The following MACROH2A1 variants were observed in gnomAD, a reference collection of about 807,000 sequenced individuals.
MACROH2A1 encodes core histone macro-H2A.1.
In MACROH2A1, 2 loss-of-function variants were observed where a neutral mutation model predicts 31.6. That is an observed-to-expected ratio of 0.06 (90% CI 0.03 to 0.20). MACROH2A1 has a LOEUF of 0.20. Ranked by LOEUF, MACROH2A1 falls within the 10% of genes least tolerant of loss-of-function variation. MACROH2A1 has a pLI of 1.00. For missense variants in MACROH2A1, 230 were observed against 474.0 expected, an observed-to-expected ratio of 0.49 and a Z score of 4.78; for synonymous variants, 169 against 189.6, an observed-to-expected ratio of 0.89 and a Z score of 0.89.
At chr5:135,344,383 T>C (rs1760468610) in intron 7 of MACROH2A1, 1 of 152,240 alleles carries the variant, frequency 6.6e-6, no homozygotes, top group Admixed American at 6.5e-5. Flanking sequence ...CTTTTTTTTT[T>C]TTTAAGGAAT....
intron 2 of MACROH2A1, among the ~76,000 whole-genome samples, chr5:135,383,775 A>C (rs1374079328): frequency 6.9e-6 from 1 of 144,194 alleles, no homozygotes; most frequent in Non-Finnish European, 1.5e-5. Flanking sequence ...GGGTGAGGGA[A>C]GGGCTTTGCA....
At chr5:135,337,811 G>C in intron 8 of MACROH2A1, 1 of 312,032 alleles carries the variant, frequency 3.2e-6, no homozygotes, top group Non-Finnish European at 4.8e-6. Context: ...ATAGAGAGCA[G>C]ACGGTTCCAC....
At chr5:135,361,103 G>A (rs1762789961) in intron 4 of MACROH2A1, 1 of 267,258 alleles carries the variant, frequency 3.7e-6, no homozygotes, top group Admixed American at 5.1e-5. Context: ...CAGTGTTAGA[G>A]AAGGACGCAT....
intron 1 of MACROH2A1, among the ~76,000 whole-genome samples, chr5:135,397,425 T>C (rs146742234): frequency 6.6e-6 from 1 of 152,346 alleles, no homozygotes; most frequent in East Asian, 1.9e-4. Flanking sequence ...AAATGTGAGT[T>C]AAATTATGCC....
At chr5:135,346,777 G>C (rs953268185) in intron 6 of MACROH2A1, 2 of 152,242 alleles carry the variant, frequency 1.3e-5, no homozygotes, top group Admixed American at 1.3e-4. Context: ...TAACTGCTCA[G>C]GACCAGATTT....
rs1428747644 is a variant in MACROH2A1, at chr5:135,398,043, T to C, written c.-34+1019A>G. ...TCATTAAAATCTTACAAGGCCTTTA[T>C]AGTCATTGTAATTGTTGAATTCAAG... On this transcript the variant is annotated intron_variant, in intron 1 of 8. Transcript: ENST00000511689. The surrounding 1 kb of genome is among the most constrained non-coding windows in gnomAD (Gnocchi z 4.6). 6.6e-6 allele frequency among the ~76,000 whole-genome samples: 1 copy of C among 152,212 alleles called. No individual in the cohort carries two copies. Among genetic ancestry groups the C allele is most frequent in the South Asian group, 2.1e-4 (1 of 4,830 alleles).
At chr5:135,375,865 A>G (rs1444534811) in intron 2 of MACROH2A1, among the ~76,000 whole-genome samples, 1 of 152,172 alleles carries the variant, frequency 6.6e-6, no homozygotes, top group Non-Finnish European at 1.5e-5. Flanking sequence ...GAACTGTTTT[A>G]CACCATCCCA....
chr5:135,338,605 G>A (rs1284792613), intron 8 of MACROH2A1, among the ~76,000 whole-genome samples: 2 of 152,236 alleles, frequency 1.3e-5, no homozygotes, highest in Non-Finnish European at 2.9e-5. Flanking sequence ...AGCAGCAGGG[G>A]CTACATAGAG....
chr5:135,369,351 T>C lies in MACROH2A1; in HGVS notation c.477+55A>G. The stretch of plus-strand genomic sequence containing the variant: ...AATGAGGGGGGTGCCCTGGTAACCC[T>C]GTTTATCCGTACCCCATCCTATCCC... On this transcript the variant is annotated intron_variant, in intron 4 of 8. Coordinates refer to ENST00000511689, the MANE Select transcript of MACROH2A1 (RefSeq NM_138610.3). This position sits in a 1 kb window ranked among gnomAD's most constrained non-coding sequence, Gnocchi z 4.3. 7.0e-7 allele frequency: 1 copy of C among 1,436,920 alleles called. No homozygotes were observed. The highest frequency in any genetic ancestry group is 1.7e-5 in the Admixed American group (1 of 59,354). The allele number at this position is 1,436,920 out of a possible 1,614,324, so 89.0% of individuals were successfully genotyped here.
chr5:135,396,263 G>C (rs903578635), intron 1 of MACROH2A1, among the ~76,000 whole-genome samples: 2 of 152,220 alleles, frequency 1.3e-5, no homozygotes, highest in Admixed American at 6.5e-5. Context: ...GGGCTTCACA[G>C]GACAGGACTC....
chr5:135,360,721 C>T lies in MACROH2A1; in HGVS notation c.478-114G>A, dbSNP rs556330005. 7.0e-5 allele frequency: 54 copies of T among 768,408 alleles called. No homozygotes were observed. The African/African-American group carries it at 8.1e-4, about 12-fold the overall frequency. The allele number at this position is 768,408 out of a possible 1,614,324, so 47.6% of individuals were successfully genotyped here. ...CAAGGGGAAACAGGAAACTAAACCACAACCAGTTCTCAGCGTTTCTCCAAG... is the reference window on the plus strand; with the variant it reads ...CAAGGGGAAACAGGAAACTAAACCATAACCAGTTCTCAGCGTTTCTCCAAG... On this transcript the variant is annotated intron_variant, in intron 4 of 8. Transcript: ENST00000511689.
intron 8 of MACROH2A1, among the ~76,000 whole-genome samples, chr5:135,336,344 T>G (rs1758651414): frequency 6.6e-6 from 1 of 152,232 alleles, no homozygotes; most frequent in Non-Finnish European, 1.5e-5. Flanking sequence ...GACTTGCTTT[T>G]GACCACACAC....
chr5:135,389,474 G>A (rs964365157), intron 1 of MACROH2A1, among the ~76,000 whole-genome samples: 1 of 152,108 alleles, frequency 6.6e-6, no homozygotes, highest in African/African-American at 2.4e-5. Context: ...CTTACCAAAG[G>A]CTTCATAAAA....
intron 2 of MACROH2A1, among the ~76,000 whole-genome samples, chr5:135,372,510 A>G (rs969124234): frequency 2.0e-5 from 3 of 152,276 alleles, no homozygotes; most frequent in Non-Finnish European, 4.4e-5. Context: ...GTAGTGTCCC[A>G]ATGCCCAGCA....
chr5:135,353,094 T>C, intron 5 of MACROH2A1, 49 bp from the exon 6 acceptor site: 3 of 1,185,556 alleles, frequency 2.5e-6, no homozygotes, highest in Non-Finnish European at 3.8e-6. Flanking sequence ...CTGGGAAGTC[T>C]CAGAGAAGGA....
chr5:135,388,130 AT>A (rs1766686532), intron 2 of MACROH2A1, among the ~76,000 whole-genome samples: 1 of 152,078 alleles, frequency 6.6e-6, no homozygotes, highest in Non-Finnish European at 1.5e-5. Context: ...GCAGAAATAA[AT>A]TTTTTAAATC....
At chr5:135,354,907 G>A in intron 5 of MACROH2A1, 1 of 369,646 alleles carries the variant, frequency 2.7e-6, no homozygotes, top group South Asian at 2.0e-5. Context: ...AGGTTGGTGA[G>A]GAAGGCAGGC....
chr5:135,370,708 T>TG (rs1198257942), intron 2 of MACROH2A1, among the ~76,000 whole-genome samples: 4 of 152,154 alleles, frequency 2.6e-5, no homozygotes, highest in African/African-American at 9.7e-5. Flanking sequence ...AGTGTGTGTG[T>TG]GTGGGGGGAG....
chr5:135,338,067 T>A, intron 8 of MACROH2A1: 1 of 1,022,286 alleles, frequency 9.8e-7, no homozygotes, highest in Non-Finnish European at 1.2e-6. Flanking sequence ...TGCTGCCAGT[T>A]AGAATGCTTG....
Sources: gnomAD v4.1 joint callset for allele counts (sites outside exome capture counted in the v4.1 genomes callset) on GRCh38, gnomAD v4.1.1 for gene constraint, Gnocchi (gnomAD v3.1) non-coding constraint, MANE v1.5 for transcripts, NCBI Gene and HGNC (gene_info 2026-07-23, HGNC 2026-07-21) for gene names.